The following ZEB1 variants were observed in gnomAD, a reference collection of about 807,000 sequenced individuals.
ZEB1 encodes zinc finger E-box-binding homeobox 1.
In ZEB1, 21 loss-of-function variants were observed where a neutral mutation model predicts 84.9. The ratio of observed to expected loss-of-function variants is 0.25; its 90% CI spans 0.18 to 0.36. ZEB1 has a LOEUF of 0.36. Ranked by LOEUF, ZEB1 falls within the 10% of genes least tolerant of loss-of-function variation. The pLI is 1.00. For missense variants in ZEB1, 1,104 were observed against 1,330.2 expected, an observed-to-expected ratio of 0.83 and a Z score of 2.65; for synonymous variants, 420 against 471.1, an observed-to-expected ratio of 0.89 and a Z score of 1.41.
At chr10:31,508,222 A>G (rs2069319290) in intron 4 of ZEB1, among the ~76,000 whole-genome samples, 1 of 152,134 alleles carries the variant, frequency 6.6e-6, no homozygotes. Flanking sequence ...AGGGTGGCAC[A>G]TTGACACCTT....
chr10:31,321,388 T>G (rs1334626328), intron 1 of ZEB1: 3 of 1,581,110 alleles, frequency 1.9e-6, no homozygotes, highest in Non-Finnish European at 2.6e-6. Context: ...GAAAGGTATT[T>G]TGGTATTCTC....
intron 2 of ZEB1, among the ~76,000 whole-genome samples, chr10:31,474,291 A>T (rs939363914): frequency 6.6e-6 from 1 of 151,758 alleles, no homozygotes; most frequent in African/African-American, 2.4e-5. Flanking sequence ...AAATGGGAGA[A>T]AATTTTTGCA....
intron 2 of ZEB1, among the ~76,000 whole-genome samples, chr10:31,479,080 A>T (rs563029222): frequency 6.6e-6 from 1 of 151,886 alleles, no homozygotes; most frequent in Non-Finnish European, 1.5e-5. Context: ...GATACTAAAC[A>T]AAGACAGAGG....
In ZEB1 at chr10:31,504,582, A is replaced by G. The variant is rs370622934; in HGVS notation, c.484+2073A>G. Among the ~76,000 whole-genome samples the G allele has an allele frequency of 2.6e-5, 4 of 152,270 alleles. No homozygotes were observed. In the East Asian group the frequency reaches 5.8e-4, roughly 22 times the overall value. On this transcript the variant is annotated intron_variant, in intron 4 of 8. Transcript: ENST00000424869. ...TTAATGATGTTAATTCTTCTGATCCATGAGCATGGGATGTCTTTCCATTTA... is the reference window on the plus strand; with the variant it reads ...TTAATGATGTTAATTCTTCTGATCCGTGAGCATGGGATGTCTTTCCATTTA...
At chr10:31,494,388 T>G (rs2066945833) in intron 2 of ZEB1, among the ~76,000 whole-genome samples, 1 of 152,024 alleles carries the variant, frequency 6.6e-6, no homozygotes, top group African/African-American at 2.4e-5. Context: ...ATTTTAACTG[T>G]TTTTCCTATA....
intron 1 of ZEB1, among the ~76,000 whole-genome samples, chr10:31,333,565 A>G (rs992670653): frequency 1.3e-5 from 2 of 152,108 alleles, no homozygotes; most frequent in African/African-American, 4.8e-5. Flanking sequence ...TCTAGAAGGT[A>G]TGTGTACCTT....
intron 1 of ZEB1, among the ~76,000 whole-genome samples, chr10:31,446,460 G>T (rs2059792786): frequency 6.6e-6 from 1 of 150,504 alleles, no homozygotes; most frequent in Admixed American, 6.6e-5. Flanking sequence ...GCTAGCTTTT[G>T]AATGTGTTTG....
intron 2 of ZEB1, among the ~76,000 whole-genome samples, chr10:31,465,459 A>ATATATAT (rs751680695): frequency 6.7e-6 from 1 of 149,762 alleles, no homozygotes; most frequent in African/African-American, 2.4e-5. Flanking sequence ...GATTGCAAAA[A>ATATATAT]ATATATATAT....
chr10:31,406,806 A>T (rs758836666), intron 1 of ZEB1, among the ~76,000 whole-genome samples: 2 of 152,054 alleles, frequency 1.3e-5, no homozygotes, highest in Non-Finnish European at 1.5e-5. Flanking sequence ...TTTTTCTTCT[A>T]GAGTTTTTTA....
intron 1 of ZEB1, among the ~76,000 whole-genome samples, chr10:31,437,742 C>T (rs2058454284): frequency 6.6e-6 from 1 of 152,174 alleles, no homozygotes. Context: ...GGTTCATGAT[C>T]TTTTTCTTTT....
intron 3 of ZEB1, among the ~76,000 whole-genome samples, chr10:31,497,922 AAAATAGAT>A (rs963379759): frequency 3.7e-5 from 4 of 108,192 alleles, no homozygotes; most frequent in Non-Finnish European, 7.8e-5. Context: ...TCAGGATGGA[AAAATAGAT>A]AGATAGATAG....
intron 1 of ZEB1, among the ~76,000 whole-genome samples, chr10:31,402,253 A>G (rs1396391231): frequency 1.3e-5 from 2 of 152,058 alleles, no homozygotes; most frequent in African/African-American, 4.8e-5. Context: ...AGAAAGTATA[A>G]ATGTAAGGGT....
At chr10:31,429,887 C>T (rs919458629) in intron 1 of ZEB1, among the ~76,000 whole-genome samples, 7 of 151,828 alleles carry the variant, frequency 4.6e-5, no homozygotes, top group Admixed American at 1.3e-4. Flanking sequence ...GGGATTACAG[C>T]CTGCCACCAT....
chr10:31,524,191 G>C (rs878885269), intron 8 of ZEB1, 78 bp downstream of exon 8: 3 of 1,340,370 alleles, frequency 2.2e-6, no homozygotes, highest in African/African-American at 3.0e-5. Context: ...TAAAGTTTTA[G>C]AATTTTCTTT....
intron 4 of ZEB1, among the ~76,000 whole-genome samples, chr10:31,509,174 A>G (rs1463997216): frequency 6.6e-6 from 1 of 152,126 alleles, no homozygotes; most frequent in Non-Finnish European, 1.5e-5. Context: ...GCTGTGCTGT[A>G]GCTACTTAGA....
intron 1 of ZEB1, among the ~76,000 whole-genome samples, chr10:31,417,993 G>C (rs561795002): frequency 6.6e-6 from 1 of 152,094 alleles, no homozygotes; most frequent in South Asian, 2.1e-4. Context: ...GTCTCTTCTA[G>C]GAGTGTCAAG....
Position 31,495,599 on chromosome 10 carries a change from C to A in ZEB1, c.260-177C>A, listed in dbSNP as rs571395242. Among the ~76,000 whole-genome samples, 57 of 151,706 alleles carry A rather than the reference C, an allele frequency of 3.8e-4. No homozygotes were observed. The South Asian group carries it at 0.011, about 28-fold the overall frequency. ...TGACAACTGGATTTGTTTTTTTAAT[C>A]TTTTATTGATATATAATAGCTGTAT... On this transcript the variant is annotated intron_variant, in intron 2 of 8. Transcript: ENST00000424869.
intron 1 of ZEB1, among the ~76,000 whole-genome samples, chr10:31,400,858 A>G (rs1462815156): frequency 6.6e-6 from 1 of 151,942 alleles, no homozygotes; most frequent in African/African-American, 2.4e-5. Context: ...CAAATTTCAT[A>G]ATTATTTTTT....
At chr10:31,328,194 T>C (rs2133175973) in intron 1 of ZEB1, among the ~76,000 whole-genome samples, 1 of 152,326 alleles carries the variant, frequency 6.6e-6, no homozygotes, top group African/African-American at 2.4e-5. Context: ...TGTATTTATA[T>C]GTCTAATGCA....
Sources: gnomAD v4.1 joint callset for allele counts (sites outside exome capture counted in the v4.1 genomes callset) on GRCh38, gnomAD v4.1.1 for gene constraint, MANE v1.5 for transcripts, NCBI Gene and HGNC (gene_info 2026-07-23, HGNC 2026-07-21) for gene names.